The following SLC35F1 variants were observed in gnomAD, a reference collection of about 807,000 sequenced individuals.
SLC35F1 encodes the protein solute carrier family 35 member F1, also known as chromosome 6 open reading frame 169.
Under a neutral mutation model 48.7 loss-of-function variants are expected in SLC35F1, and 14 were observed. The ratio of observed to expected loss-of-function variants is 0.29; its 90% CI spans 0.19 to 0.45. The LOEUF is 0.45. Ranked by LOEUF, SLC35F1 falls within the 20% of genes least tolerant of loss-of-function variation. The pLI is 1.00. For missense variants in SLC35F1, 404 were observed against 500.0 expected (o/e 0.81, Z 1.83); for synonymous variants, 190 against 202.2 (o/e 0.94, Z 0.51).
chr6:118,287,076 C>T lies in SLC35F1; in HGVS notation c.1002+1738C>T, dbSNP rs188538992. On this transcript the variant is annotated intron_variant, in intron 7 of 7. Transcript: ENST00000360388. ...AATGTTTATTGTTTGCAGTTTGTTTCGTCTGTATGGAACAAGCTGCTTCCC... is the reference window on the plus strand; with the variant it reads ...AATGTTTATTGTTTGCAGTTTGTTTTGTCTGTATGGAACAAGCTGCTTCCC... 1.9e-3 allele frequency among the ~76,000 whole-genome samples: 285 copies of T among 152,226 alleles called. 1 individual carries two copies. Among genetic ancestry groups the T allele is most frequent in the African/African-American group, 6.6e-3 (274 of 41,558 alleles).
At chr6:118,252,012 G>C (rs1775581753) in intron 3 of SLC35F1, among the ~76,000 whole-genome samples, 1 of 152,146 alleles carries the variant, frequency 6.6e-6, no homozygotes, top group African/African-American at 2.4e-5. Flanking sequence ...ACTTGAGCAT[G>C]TCAAGTTTAG....
chr6:118,145,057 G>A (rs185253013), intron 1 of SLC35F1, among the ~76,000 whole-genome samples: 237 of 152,226 alleles, frequency 1.6e-3, no homozygotes, highest in Middle Eastern at 3.4e-3. Flanking sequence ...CCATGCAACC[G>A]ATACTACAGT....
chr6:118,079,517 A>T (rs983462131), intron 1 of SLC35F1, among the ~76,000 whole-genome samples: 1 of 152,176 alleles, frequency 6.6e-6, no homozygotes, highest in African/African-American at 2.4e-5. Context: ...TTGGGCATAT[A>T]CATAGAACTG....
chr6:118,062,915 T>G (rs28574916), intron 1 of SLC35F1, among the ~76,000 whole-genome samples: 6,024 of 152,030 alleles, frequency 0.04, 188 homozygotes, highest in African/African-American at 0.08. Context: ...AAGATATAAT[T>G]TTTTAGGGGG....
intron 2 of SLC35F1, among the ~76,000 whole-genome samples, chr6:118,163,608 T>TGA (rs1774273112): frequency 6.6e-6 from 1 of 152,226 alleles, no homozygotes; most frequent in South Asian, 2.1e-4. Flanking sequence ...CTGGAAATCT[T>TGA]TAAGCATTCA....
At chr6:118,004,296 T>C (rs1043249020) in intron 1 of SLC35F1, among the ~76,000 whole-genome samples, 1 of 152,202 alleles carries the variant, frequency 6.6e-6, no homozygotes, top group Admixed American at 6.5e-5. Flanking sequence ...AATGTTCTTA[T>C]GGAGAAATAT....
chr6:118,000,045 T>C (rs948957877), intron 1 of SLC35F1, among the ~76,000 whole-genome samples: 10 of 151,674 alleles, frequency 6.6e-5, no homozygotes, highest in Non-Finnish European at 1.5e-5. Flanking sequence ...TACCATTCCT[T>C]CTGAAACTAT....
intron 1 of SLC35F1, among the ~76,000 whole-genome samples, chr6:118,129,409 G>T (rs181558268): frequency 1.4e-4 from 21 of 152,264 alleles, no homozygotes; most frequent in African/African-American, 5.1e-4. Context: ...AAATGAGGAG[G>T]AAGTTGCAGT....
chr6:118,072,337 G>C (rs183904685), intron 1 of SLC35F1, among the ~76,000 whole-genome samples: 9 of 152,220 alleles, frequency 5.9e-5, no homozygotes, highest in Admixed American at 5.9e-4. Flanking sequence ...GGCTGAGGCG[G>C]GTGGATCATG....
intron 2 of SLC35F1, among the ~76,000 whole-genome samples, chr6:118,212,727 AAAGGAAGG>A (rs755835187): frequency 0.15 from 14,417 of 93,468 alleles, 1,229 homozygotes; most frequent in African/African-American, 0.2. Flanking sequence ...GGAAGGAAGG[AAAGGAAGG>A]AAGGAAGGAA....
At chr6:118,131,363 C>T (rs1188252055) in intron 1 of SLC35F1, among the ~76,000 whole-genome samples, 1 of 152,094 alleles carries the variant, frequency 6.6e-6, no homozygotes, top group African/African-American at 2.4e-5. Flanking sequence ...TTTTATAACT[C>T]CACAATCTTT....
intron 1 of SLC35F1, among the ~76,000 whole-genome samples, chr6:118,073,805 C>G (rs1772778434): frequency 6.6e-6 from 1 of 152,062 alleles, no homozygotes; most frequent in Non-Finnish European, 1.5e-5. Context: ...CCATTTACCA[C>G]CTACTGATTT....
At chr6:118,183,982 T>C (rs890149238) in intron 2 of SLC35F1, among the ~76,000 whole-genome samples, 2 of 149,972 alleles carry the variant, frequency 1.3e-5, no homozygotes, top group Non-Finnish European at 3.0e-5. Flanking sequence ...AATCTGTTTC[T>C]CTCTCCACCT....
intron 4 of SLC35F1, among the ~76,000 whole-genome samples, chr6:118,273,385 A>C (rs1377876781): frequency 6.6e-6 from 1 of 152,222 alleles, no homozygotes; most frequent in African/African-American, 2.4e-5. Context: ...CTATAACATT[A>C]AATTTATTAA....
At chr6:118,287,151 C>G (rs1308322561) in intron 7 of SLC35F1, among the ~76,000 whole-genome samples, 1 of 152,154 alleles carries the variant, frequency 6.6e-6, no homozygotes, top group Admixed American at 6.5e-5. Context: ...CAATATATTC[C>G]TCTCGTGCTG....
chr6:118,048,087 A>C, intron 1 of SLC35F1, among the ~76,000 whole-genome samples: 1 of 152,186 alleles, frequency 6.6e-6, no homozygotes, highest in Admixed American at 6.6e-5. Flanking sequence ...AGTTTTTAGC[A>C]TGAAGCGTTG....
At chr6:118,170,599 C>T (rs1774388641) in intron 2 of SLC35F1, among the ~76,000 whole-genome samples, 1 of 152,046 alleles carries the variant, frequency 6.6e-6, no homozygotes, top group African/African-American at 2.4e-5. Context: ...ACCACCATGC[C>T]CAGCTAATTT....
chr6:118,260,008 T>A (rs1040118611), intron 3 of SLC35F1, among the ~76,000 whole-genome samples: 1 of 152,108 alleles, frequency 6.6e-6, no homozygotes, highest in African/African-American at 2.4e-5. Context: ...AAGTAAAACA[T>A]GATATATCCA....
At chr6:118,084,734 G>C (rs1772960102) in intron 1 of SLC35F1, among the ~76,000 whole-genome samples, 1 of 152,072 alleles carries the variant, frequency 6.6e-6, no homozygotes, top group Non-Finnish European at 1.5e-5. Context: ...AGGTTATCAG[G>C]AGAGATTTAG....
Sources: allele counts gnomAD v4.1 joint callset (sites outside exome capture counted in the v4.1 genomes callset), GRCh38; gene constraint gnomAD v4.1.1; transcripts MANE v1.5; gene names NCBI Gene and HGNC (gene_info 2026-07-23, HGNC 2026-07-21).